The following SLC22A23 variants were observed in gnomAD, a reference collection of about 807,000 sequenced individuals.
The protein encoded by SLC22A23 is ion transporter protein.
SLC22A23 carries 26 observed loss-of-function variants against 61.0 expected under a neutral mutation model. The ratio of observed to expected loss-of-function variants is 0.43; its 90% CI spans 0.31 to 0.59. The LOEUF (loss-of-function observed/expected upper bound fraction) is 0.59. Among genes scored for constraint, SLC22A23 ranks in the 20% least tolerant of loss-of-function variants. The probability of loss-of-function intolerance (pLI) is 0.11; values close to 1 mark genes in which losing one functional copy is unlikely to be tolerated. For synonymous variants in SLC22A23, 430 were observed against 413.9 expected (o/e 1.04, Z -0.47); for missense variants, 796 against 934.7 (o/e 0.85, Z 1.94).
intron 3 of SLC22A23, among the ~76,000 whole-genome samples, chr6:3,381,419 A>G (rs779108147): frequency 5.3e-5 from 8 of 152,234 alleles, no homozygotes; most frequent in Non-Finnish European, 1.0e-4. Context: ...GGCAGGATCA[A>G]CTAACTACAG....
chr6:3,300,094 T>C (rs1318232583), intron 4 of SLC22A23, among the ~76,000 whole-genome samples: 1 of 134,788 alleles, frequency 7.4e-6, no homozygotes, highest in East Asian at 2.5e-4. Context: ...CACTGCAACC[T>C]CCACCTGCTG....
chr6:3,307,022 G>A (rs1489236484), intron 4 of SLC22A23, among the ~76,000 whole-genome samples: 1 of 152,246 alleles, frequency 6.6e-6, no homozygotes, highest in Non-Finnish European at 1.5e-5. Flanking sequence ...GGGGCACAAG[G>A]ATTCCTCCTC....
intron 3 of SLC22A23, among the ~76,000 whole-genome samples, chr6:3,355,079 A>T (rs535454769): frequency 6.6e-6 from 1 of 151,862 alleles, no homozygotes; most frequent in Non-Finnish European, 1.5e-5. Context: ...AACAAAAAAA[A>T]CCAGCGCCTC....
chr6:3,434,612 A>G, intron 1 of SLC22A23, among the ~76,000 whole-genome samples: 1 of 112,962 alleles, frequency 8.9e-6, no homozygotes, highest in Admixed American at 8.2e-5. Context: ...CCATCTCAAA[A>G]AAAAAAAAAT....
chr6:3,384,377 G>A (rs1767148560), intron 3 of SLC22A23, among the ~76,000 whole-genome samples: 1 of 152,182 alleles, frequency 6.6e-6, no homozygotes, highest in Non-Finnish European at 1.5e-5. Flanking sequence ...GTATAGATAA[G>A]TAAAAATTAC....
chr6:3,367,821 T>G (rs1765934614), intron 3 of SLC22A23, among the ~76,000 whole-genome samples: 1 of 152,180 alleles, frequency 6.6e-6, no homozygotes, highest in South Asian at 2.1e-4. Context: ...TGACCCCAAC[T>G]GGGACTCAAA....
intron 3 of SLC22A23, among the ~76,000 whole-genome samples, chr6:3,340,990 G>A (rs1764121570): frequency 6.6e-6 from 1 of 152,226 alleles, no homozygotes; most frequent in African/African-American, 2.4e-5. Context: ...ACCAATGCCT[G>A]CTATGGCACC....
chr6:3,307,375 C>T lies in SLC22A23; in HGVS notation c.1083-9157G>A, dbSNP rs576550000. ...ATTGGACTCAAGCCCTTTTCAGAAA[C>T]CCCTTCAGGATGGTTAGAAGGTCCA... On this transcript the variant is annotated intron_variant, in intron 4 of 9. Coordinates refer to ENST00000406686, the MANE Select transcript of SLC22A23 (RefSeq NM_015482.2). Among the ~76,000 whole-genome samples, 4 of 152,334 alleles carry T rather than the reference C, an allele frequency of 2.6e-5. No individual in the cohort carries two copies. The South Asian group carries it at 8.3e-4, about 32-fold the overall frequency.
intron 3 of SLC22A23, among the ~76,000 whole-genome samples, chr6:3,341,458 G>C (rs535777103): frequency 6.6e-6 from 1 of 152,188 alleles, no homozygotes; most frequent in East Asian, 1.9e-4. Context: ...GATGGGTTTT[G>C]TTCTCTCTCT....
chr6:3,384,370 T>C (rs757889785), intron 3 of SLC22A23, among the ~76,000 whole-genome samples: 2 of 152,236 alleles, frequency 1.3e-5, no homozygotes, highest in Non-Finnish European at 2.9e-5. Context: ...TTTAAAAGTA[T>C]AGATAAGTAA....
chr6:3,298,028 C>T, intron 5 of SLC22A23, 63 bp downstream of exon 5: 4 of 1,436,906 alleles, frequency 2.8e-6, no homozygotes, highest in Non-Finnish European at 3.6e-6. Context: ...CAAAACCAGC[C>T]CAGGTGTCAG....
intron 9 of SLC22A23, among the ~76,000 whole-genome samples, chr6:3,275,693 C>T (rs1758827552): frequency 6.6e-6 from 1 of 152,214 alleles, no homozygotes; most frequent in East Asian, 1.9e-4. Flanking sequence ...TGTCATTCTC[C>T]TGCCTCAGCC....
intron 9 of SLC22A23, among the ~76,000 whole-genome samples, chr6:3,277,947 C>T (rs1427049833): frequency 6.6e-6 from 1 of 152,244 alleles, no homozygotes; most frequent in Admixed American, 6.5e-5. Context: ...TGACTGTGGT[C>T]CCTATGGCCA....
At chr6:3,368,985 T>C (rs1486117224) in intron 3 of SLC22A23, among the ~76,000 whole-genome samples, 1 of 152,096 alleles carries the variant, frequency 6.6e-6, no homozygotes, top group Admixed American at 6.5e-5. Context: ...TAAAATTCAA[T>C]GGTCTTTCCC....
chr6:3,362,406 A>C (rs916104833), intron 3 of SLC22A23, among the ~76,000 whole-genome samples: 3 of 81,178 alleles, frequency 3.7e-5, no homozygotes, highest in Non-Finnish European at 8.2e-5. Flanking sequence ...CCGTCTCACA[A>C]AAAAAAAAAA....
At chr6:3,380,796 T>C (rs1030418437) in intron 3 of SLC22A23, among the ~76,000 whole-genome samples, 1 of 152,142 alleles carries the variant, frequency 6.6e-6, no homozygotes, top group African/African-American at 2.4e-5. Flanking sequence ...AATACATGCC[T>C]ATTGAGGGCT....
At chr6:3,443,704 G>A (rs572558980) in intron 1 of SLC22A23, among the ~76,000 whole-genome samples, 8 of 152,176 alleles carry the variant, frequency 5.3e-5, no homozygotes, top group Admixed American at 2.6e-4. Flanking sequence ...CCAGCCCTGC[G>A]TAACCTCACT....
At position 3,443,396 on chromosome 6, in the gene SLC22A23, TC is replaced by T. The variant is rs1480191824; in HGVS notation, c.654+12509del. On this transcript the variant is annotated intron_variant, in intron 1 of 9. Coordinates refer to ENST00000406686, the MANE Select transcript of SLC22A23 (RefSeq NM_015482.2). ...TGTTGGTGACTGTCCAACGGCTCCT[TC>T]CAAGATCCCTGGGTGATCTGGAGCT... Among the ~76,000 whole-genome samples, 10 of 152,266 alleles carry T rather than the reference TC, an allele frequency of 6.6e-5. No homozygotes were observed. In the East Asian group the frequency reaches 1.7e-3, roughly 26 times the overall value.
intron 1 of SLC22A23, among the ~76,000 whole-genome samples, chr6:3,426,670 T>C (rs1770513604): frequency 6.6e-6 from 1 of 151,450 alleles, no homozygotes; most frequent in South Asian, 2.1e-4. Flanking sequence ...TTTCTTTCTC[T>C]TTTTTTTTCT....
Sources: gnomAD v4.1 joint callset for allele counts (sites outside exome capture counted in the v4.1 genomes callset) on GRCh38, gnomAD v4.1.1 for gene constraint, MANE v1.5 for transcripts, NCBI Gene and HGNC (gene_info 2026-07-23, HGNC 2026-07-21) for gene names.